The following ROBO2 variants were observed in gnomAD, a reference collection of about 807,000 sequenced individuals.
ROBO2 encodes roundabout guidance receptor 2.
In ROBO2, 53 loss-of-function variants were observed where a neutral mutation model predicts 160.8. The ratio of observed to expected loss-of-function variants is 0.33; its 90% CI spans 0.26 to 0.41. The LOEUF (loss-of-function observed/expected upper bound fraction) is 0.41. ROBO2 is among the 10% of genes least tolerant of loss of function. The probability of loss-of-function intolerance (pLI) is 1.00; values close to 1 mark genes in which losing one functional copy is unlikely to be tolerated. For missense variants in ROBO2, 1,577 were observed against 1,722.4 expected, an observed-to-expected ratio of 0.92 and a Z score of 1.49; for synonymous variants, 664 against 611.7, an observed-to-expected ratio of 1.09 and a Z score of -1.26.
chr3:76,271,535 TA>T (rs1312617685), intron 2 of ROBO2, among the ~76,000 whole-genome samples: 1 of 150,216 alleles, frequency 6.7e-6, no homozygotes, highest in Non-Finnish European at 1.5e-5. Flanking sequence ...TAATAAATAA[TA>T]CCTGTCACTC....
intron 2 of ROBO2, among the ~76,000 whole-genome samples, chr3:76,655,736 G>A (rs2091486691): frequency 6.7e-6 from 1 of 149,214 alleles, no homozygotes; most frequent in Admixed American, 6.7e-5. Flanking sequence ...AAGGGAGGGA[G>A]GGAGGGAGGA....
At chr3:76,826,097 T>C (rs1012601339) in intron 2 of ROBO2, among the ~76,000 whole-genome samples, 2 of 151,850 alleles carry the variant, frequency 1.3e-5, no homozygotes, top group African/African-American at 4.8e-5. Flanking sequence ...CATTTTGAAT[T>C]AGTAATTTAG....
chr3:76,861,969 C>T (rs2070828414), intron 2 of ROBO2, among the ~76,000 whole-genome samples: 1 of 152,072 alleles, frequency 6.6e-6, no homozygotes, highest in Non-Finnish European at 1.5e-5. Flanking sequence ...TCTTGCAGTT[C>T]TCTGCTCTTC....
intron 2 of ROBO2, among the ~76,000 whole-genome samples, chr3:76,005,646 T>C (rs2065999913): frequency 1.3e-5 from 2 of 152,184 alleles, no homozygotes; most frequent in Non-Finnish European, 2.9e-5. Flanking sequence ...TTCCTCTCTA[T>C]ATAGATACCC....
intron 2 of ROBO2, among the ~76,000 whole-genome samples, chr3:76,272,026 A>T (rs1707463163): frequency 6.6e-6 from 1 of 152,154 alleles, no homozygotes; most frequent in Non-Finnish European, 1.5e-5. Context: ...CATATTCTTA[A>T]TATGTTTAGC....
chr3:76,923,886 G>A (rs970183817), intron 2 of ROBO2, among the ~76,000 whole-genome samples: 28 of 152,192 alleles, frequency 1.8e-4, no homozygotes, highest in Admixed American at 1.6e-3. Context: ...GTGAATATGC[G>A]TTTGTGTTAC....
intron 2 of ROBO2, among the ~76,000 whole-genome samples, chr3:76,829,158 C>T (rs1013699014): frequency 3.3e-5 from 5 of 152,096 alleles, no homozygotes; most frequent in African/African-American, 1.2e-4. Context: ...CTTCTTCAAC[C>T]CACCAAACTC....
chr3:76,490,068 A>C (rs1464465123), intron 2 of ROBO2, among the ~76,000 whole-genome samples: 1 of 152,186 alleles, frequency 6.6e-6, no homozygotes, highest in Non-Finnish European at 1.5e-5. Flanking sequence ...CCTAAATGCC[A>C]AATGCTTTTG....
At chr3:77,562,612 A>T in intron 9 of ROBO2, 39 bp from the exon 11 acceptor site, 1 of 1,417,214 alleles carries the variant, frequency 7.1e-7, no homozygotes, top group Non-Finnish European at 1.0e-6. Context: ...CTGCAAATTG[A>T]CTGAAACAAT....
At chr3:77,260,850 C>T (rs1201916543) in intron 2 of ROBO2, among the ~76,000 whole-genome samples, 1 of 152,128 alleles carries the variant, frequency 6.6e-6, no homozygotes. Context: ...TCGTTCTGCC[C>T]CAGTGGGTAA....
intron 2 of ROBO2, among the ~76,000 whole-genome samples, chr3:75,945,058 AT>A (rs1301954688): frequency 6.6e-6 from 1 of 152,120 alleles, no homozygotes; most frequent in African/African-American, 2.4e-5. Flanking sequence ...AAGCTCCTTG[AT>A]AATTCAGACT....
chr3:76,187,139 T>C (rs1701804766), intron 2 of ROBO2, among the ~76,000 whole-genome samples: 1 of 152,062 alleles, frequency 6.6e-6, no homozygotes, highest in South Asian at 2.1e-4. Flanking sequence ...CACCTATACC[T>C]CTGGCCTAGG....
intron 2 of ROBO2, among the ~76,000 whole-genome samples, chr3:77,398,665 TG>T (rs1312771432): frequency 6.6e-6 from 1 of 152,074 alleles, no homozygotes; most frequent in Non-Finnish European, 1.5e-5. Flanking sequence ...CACTGCAACC[TG>T]GATTTCCTGG....
At chr3:77,345,733 G>A (rs1482142728) in intron 2 of ROBO2, among the ~76,000 whole-genome samples, 1 of 152,036 alleles carries the variant, frequency 6.6e-6, no homozygotes, top group Non-Finnish European at 1.5e-5. Flanking sequence ...AAATCAAAAG[G>A]TGAAAATATA....
rs762240431 is a variant in ROBO2, at chr3:76,863,440, AAAAAAAGAAAAAAG to A, written c.110-234569_110-234556del. 5.8e-4 allele frequency among the ~76,000 whole-genome samples: 81 copies of A among 139,634 alleles called. 1 individual carries two copies. Among genetic ancestry groups the A allele is most frequent in the Non-Finnish European group, 1.2e-3 (78 of 65,006 alleles). The allele number at this position is 139,634 out of a possible 152,430, so 91.6% of individuals were successfully genotyped here. On this transcript the variant is annotated intron_variant, in intron 2 of 26. Coordinates refer to the ROBO2 transcript ENST00000487694. ...GTGACAGAGTGAGAACCTGTCTCAA[AAAAAAAGAAAAAAG>A]AAAAGAAAAGAAAGAAAATAAAGCA...
chr3:76,277,568 T>C (rs1336585481), intron 2 of ROBO2, among the ~76,000 whole-genome samples: 1 of 151,946 alleles, frequency 6.6e-6, no homozygotes, highest in African/African-American at 2.4e-5. Flanking sequence ...GCAAAATCAT[T>C]GTTAACACTA....
At chr3:77,430,142 G>A (rs764419715) in intron 2 of ROBO2, among the ~76,000 whole-genome samples, 9 of 152,128 alleles carry the variant, frequency 5.9e-5, no homozygotes, top group Non-Finnish European at 1.0e-4. Flanking sequence ...GATTTTTGGA[G>A]GATGAGGGCA....
At chr3:76,837,378 C>T (rs1183741649) in intron 2 of ROBO2, among the ~76,000 whole-genome samples, 1 of 151,760 alleles carries the variant, frequency 6.6e-6, no homozygotes, top group East Asian at 1.9e-4. Context: ...AATCAACTAC[C>T]TACATAGATA....
chr3:76,021,367 A>G (rs1336466868), intron 2 of ROBO2, among the ~76,000 whole-genome samples: 1 of 151,852 alleles, frequency 6.6e-6, no homozygotes, highest in Non-Finnish European at 1.5e-5. Flanking sequence ...TACCAATAAC[A>G]AGATAGAACA....
Sources: gnomAD v4.1 joint callset for allele counts (sites outside exome capture counted in the v4.1 genomes callset) on GRCh38, gnomAD v4.1.1 for gene constraint, MANE v1.5 for transcripts, NCBI Gene and HGNC (gene_info 2026-07-23, HGNC 2026-07-21) for gene names.